EIF3H: variants seen among roughly 807,000 people sequenced by gnomAD.
EIF3H encodes eukaryotic translation initiation factor 3 subunit H, also known as eIF-3-gamma.
A neutral mutation model predicts 44.2 loss-of-function variants in EIF3H; 26 were observed. The ratio of observed to expected loss-of-function variants is 0.59; its 90% CI spans 0.43 to 0.82. The LOEUF (loss-of-function observed/expected upper bound fraction) is 0.82. Ranked by LOEUF, EIF3H falls within the 40% of genes least tolerant of loss-of-function variation. The probability of loss-of-function intolerance (pLI) is 0.00; values close to 1 mark genes in which losing one functional copy is unlikely to be tolerated. For missense variants in EIF3H, 359 were observed against 432.8 expected (o/e 0.83, Z 1.51); for synonymous variants, 166 against 151.9 (o/e 1.09, Z -0.68).
At chr8:116,725,761 T>A (rs1483293126) in intron 2 of EIF3H, among the ~76,000 whole-genome samples, 1 of 152,226 alleles carries the variant, frequency 6.6e-6, no homozygotes, top group Non-Finnish European at 1.5e-5. Flanking sequence ...AAAGTCAACA[T>A]CAGCACAGTT....
rs897274086 is a variant in EIF3H, at chr8:116,658,492, G to T, written c.457+321C>A. ...GATTGGTCAGTCACGTACAGAGCCA[G>T]ACACTCTAGCAATCGGGGTTTGTTA... On this transcript the variant is annotated intron_variant, in intron 3 of 7. Transcript: ENST00000521861. 8 of 234,112 alleles carry T rather than the reference G, an allele frequency of 3.4e-5. No individual in the cohort carries two copies. In the East Asian group the frequency reaches 8.4e-4, roughly 25 times the overall value. The allele number at this position is 234,112 out of a possible 1,614,324, so 14.5% of individuals were successfully genotyped here. A position where few individuals can be genotyped will look rare whatever the true frequency, so the allele number is the denominator to read the frequency against.
chr8:116,645,830 A>C (rs1435094974), intron 7 of EIF3H, among the ~76,000 whole-genome samples: 1 of 152,264 alleles, frequency 6.6e-6, no homozygotes, highest in African/African-American at 2.4e-5. Context: ...ATTGCCAATC[A>C]GCTTTTGAGT....
At chr8:116,645,709 T>C (rs1563630904) in intron 7 of EIF3H, among the ~76,000 whole-genome samples, 1 of 152,210 alleles carries the variant, frequency 6.6e-6, no homozygotes, top group Non-Finnish European at 1.5e-5. Context: ...AATTGGACCT[T>C]TGGGAAGGAA....
intron 1 of EIF3H, among the ~76,000 whole-genome samples, chr8:116,752,758 AG>A (rs1815375502): frequency 7.2e-4 from 11 of 15,232 alleles, no homozygotes; most frequent in African/African-American, 2.4e-3. Flanking sequence ...AGAAAGAGGG[AG>A]GGAGGGAGGG....
At chr8:116,745,308 G>A (rs975966489) in intron 1 of EIF3H, among the ~76,000 whole-genome samples, 2 of 152,152 alleles carry the variant, frequency 1.3e-5, no homozygotes, top group African/African-American at 2.4e-5. Flanking sequence ...TATCAACAAT[G>A]TAAGAAATTA....
chr8:116,681,736 T>A (rs548259840), intron 2 of EIF3H, among the ~76,000 whole-genome samples: 13 of 151,826 alleles, frequency 8.6e-5, no homozygotes, highest in African/African-American at 3.1e-4. Flanking sequence ...TATACCAACC[T>A]AATAACTACT....
intron 2 of EIF3H, among the ~76,000 whole-genome samples, chr8:116,718,782 C>T (rs1162144178): frequency 6.6e-6 from 1 of 151,982 alleles, no homozygotes; most frequent in Non-Finnish European, 1.5e-5. Flanking sequence ...ACAGTGTACA[C>T]TGCTCAGGTG....
At chr8:116,729,511 T>C (rs1001345078) in intron 1 of EIF3H, among the ~76,000 whole-genome samples, 3 of 152,222 alleles carry the variant, frequency 2.0e-5, no homozygotes, top group African/African-American at 7.2e-5. Flanking sequence ...TGCAATTTTA[T>C]GTAGTATCAA....
chr8:116,664,180 T>C (rs1813629778), intron 2 of EIF3H, among the ~76,000 whole-genome samples: 1 of 152,224 alleles, frequency 6.6e-6, no homozygotes, highest in Admixed American at 6.5e-5. Flanking sequence ...ATATTCATAT[T>C]CAGTTTTTCC....
At chr8:116,738,402 T>G (rs1815078282) in intron 1 of EIF3H, among the ~76,000 whole-genome samples, 1 of 152,220 alleles carries the variant, frequency 6.6e-6, no homozygotes, top group African/African-American at 2.4e-5. Flanking sequence ...CTGCTGATTT[T>G]AAATTCTCAT....
Position 116,656,019 on chromosome 8 carries a change from T to G in EIF3H, c.558-14A>C, listed in dbSNP as rs375917291. The G allele has an allele frequency of 1.6e-5, 26 of 1,611,518 alleles. No individual in the cohort carries two copies. In the African/African-American group the frequency reaches 2.9e-4, roughly 18 times the overall value. ...GCTTTTTTCAATCTGTGAAGCATGT[T>G]AAAAATACTTTAGTCTGATGGTCAA... On this transcript the variant is annotated splice_polypyrimidine_tract_variant and intron_variant, in intron 4 of 7. Transcript: ENST00000521861.
chr8:116,688,177 AG>A (rs1814109955), intron 2 of EIF3H, among the ~76,000 whole-genome samples: 1 of 152,156 alleles, frequency 6.6e-6, no homozygotes, highest in Admixed American at 6.5e-5. Flanking sequence ...ACCACAAGCT[AG>A]ACAGTAGTGA....
chr8:116,736,022 G>T (rs370704306), intron 1 of EIF3H, among the ~76,000 whole-genome samples: 1 of 152,082 alleles, frequency 6.6e-6, no homozygotes, highest in African/African-American at 2.4e-5. Context: ...TGTTCAACCT[G>T]TATATCTATT....
At chr8:116,692,719 TAA>T (rs940791667) in intron 2 of EIF3H, among the ~76,000 whole-genome samples, 3 of 152,194 alleles carry the variant, frequency 2.0e-5, no homozygotes, top group Non-Finnish European at 2.9e-5. Flanking sequence ...ACATTTATTT[TAA>T]AAGACTGTAT....
At chr8:116,716,720 G>A (rs894608076) in intron 2 of EIF3H, among the ~76,000 whole-genome samples, 1 of 151,972 alleles carries the variant, frequency 6.6e-6, no homozygotes, top group Non-Finnish European at 1.5e-5. Flanking sequence ...CCACTGTAGC[G>A]GGAATGAAGC....
intron 2 of EIF3H, among the ~76,000 whole-genome samples, chr8:116,701,652 A>T (rs1413917577): frequency 6.6e-6 from 1 of 152,204 alleles, no homozygotes; most frequent in Non-Finnish European, 1.5e-5. Flanking sequence ...TAATTCCCCA[A>T]ATCATGGGGA....
At chr8:116,702,185 G>A (rs1263700474) in intron 2 of EIF3H, among the ~76,000 whole-genome samples, 1 of 152,148 alleles carries the variant, frequency 6.6e-6, no homozygotes, top group South Asian at 2.1e-4. Context: ...GAAGGGGGTA[G>A]AGAAAACAGA....
At chr8:116,677,654 C>T (rs1413249755) in intron 2 of EIF3H, among the ~76,000 whole-genome samples, 1 of 152,210 alleles carries the variant, frequency 6.6e-6, no homozygotes, top group Admixed American at 6.5e-5. Flanking sequence ...AGTTTCCATA[C>T]TGCACGTAAG....
At chr8:116,666,239 T>G (rs1813663391) in intron 2 of EIF3H, among the ~76,000 whole-genome samples, 3 of 152,188 alleles carry the variant, frequency 2.0e-5, no homozygotes, top group African/African-American at 7.2e-5. Context: ...AATATTTTTT[T>G]GAATGCCAAG....
Sources: gnomAD v4.1 joint callset for allele counts (sites outside exome capture counted in the v4.1 genomes callset) on GRCh38, gnomAD v4.1.1 for gene constraint, MANE v1.5 for transcripts, NCBI Gene and HGNC (gene_info 2026-07-23, HGNC 2026-07-21) for gene names.